The following MRPS6 variants were observed in gnomAD, a reference collection of about 807,000 sequenced individuals.
The protein encoded by MRPS6 is small ribosomal subunit protein bS6m.
Under a neutral mutation model 13.1 loss-of-function variants are expected in MRPS6, and 6 were observed. The ratio of observed to expected loss-of-function variants is 0.46; its 90% CI spans 0.25 to 0.91. MRPS6 has a LOEUF of 0.91. Ranked by LOEUF, MRPS6 falls within the 40% of genes least tolerant of loss-of-function variation. The pLI is 0.18. For synonymous variants in MRPS6, 61 were observed against 56.5 expected, an observed-to-expected ratio of 1.08 and a Z score of -0.36; for missense variants, 164 against 155.6, an observed-to-expected ratio of 1.05 and a Z score of -0.29.
chr21:34,137,782 ATT>A (rs3989178), intron 2 of MRPS6, among the ~76,000 whole-genome samples: 2 of 145,306 alleles, frequency 1.4e-5, no homozygotes, highest in African/African-American at 2.5e-5. Context: ...GTTTGCTGAG[ATT>A]TTTTTTTTTT....
intron 1 of MRPS6, among the ~76,000 whole-genome samples, chr21:34,111,507 T>C (rs1419536089): frequency 6.6e-6 from 1 of 152,220 alleles, no homozygotes. Flanking sequence ...TTCTGAAGTC[T>C]CAAAATCAGA....
intron 1 of MRPS6, among the ~76,000 whole-genome samples, chr21:34,074,577 C>T (rs1024024325): frequency 6.6e-6 from 1 of 152,244 alleles, no homozygotes; most frequent in African/African-American, 2.4e-5. Flanking sequence ...AGGCAGCTCA[C>T]TTCGTCCTCT....
At chr21:34,104,903 C>T (rs748383912) in intron 1 of MRPS6, 5 of 999,924 alleles carry the variant, frequency 5.0e-6, no homozygotes, top group African/African-American at 1.7e-5. Context: ...GGCAGAAATG[C>T]CTTTCATCTA....
intron 1 of MRPS6, among the ~76,000 whole-genome samples, chr21:34,087,612 T>C (rs1239881113): frequency 6.6e-6 from 1 of 152,204 alleles, no homozygotes; most frequent in African/African-American, 2.4e-5. Flanking sequence ...GTTACTTTTG[T>C]GCAAAGACGT....
chr21:34,141,537 C>T (rs1345723342), intron 2 of MRPS6, among the ~76,000 whole-genome samples: 1 of 152,172 alleles, frequency 6.6e-6, no homozygotes, highest in African/African-American at 2.4e-5. Flanking sequence ...GTCCTGAGAA[C>T]CACATGTATG....
At chr21:34,086,515 GT>G in intron 1 of MRPS6, among the ~76,000 whole-genome samples, 1 of 81,534 alleles carries the variant, frequency 1.2e-5, no homozygotes, top group East Asian at 4.2e-4. Context: ...TCTAGTTTGT[GT>G]TTGTGTGTGT....
intron 1 of MRPS6, among the ~76,000 whole-genome samples, chr21:34,086,990 T>G (rs1978422038): frequency 6.6e-6 from 1 of 152,082 alleles, no homozygotes; most frequent in Non-Finnish European, 1.5e-5. Flanking sequence ...CACTGCACAC[T>G]AAGAGGTGGA....
intron 1 of MRPS6, among the ~76,000 whole-genome samples, chr21:34,109,473 G>A (rs1313568221): frequency 2.0e-5 from 3 of 152,184 alleles, no homozygotes; most frequent in Non-Finnish European, 4.4e-5. Context: ...AAAGAACACA[G>A]GGGCCCCATC....
intron 1 of MRPS6, among the ~76,000 whole-genome samples, chr21:34,119,391 C>T (rs1980043191): frequency 6.6e-6 from 1 of 152,076 alleles, no homozygotes; most frequent in Non-Finnish European, 1.5e-5. Context: ...ACAGGGACAG[C>T]CTTTCTATTT....
intron 2 of MRPS6, among the ~76,000 whole-genome samples, chr21:34,129,308 A>G (rs1980418381): frequency 6.6e-6 from 1 of 152,104 alleles, no homozygotes; most frequent in Non-Finnish European, 1.5e-5. Context: ...TGAGACTGAG[A>G]GGAAACTATA....
At chr21:34,101,558 T>A in intron 1 of MRPS6, 2 of 1,000,112 alleles carry the variant, frequency 2.0e-6, no homozygotes, top group African/African-American at 3.5e-5. Flanking sequence ...GAGACTGGTC[T>A]TTCTCTTTGT....
rs540711472 is a variant in MRPS6, at chr21:34,110,768, T to A, written c.46-14573T>A. Reference sequence around the variant, plus strand: ...AATCAATACATGACCTTGCCTCATGTGTGTTTCTGTTTAAAGACAACATAG... The same window carrying A: ...AATCAATACATGACCTTGCCTCATGAGTGTTTCTGTTTAAAGACAACATAG... On this transcript the variant is annotated intron_variant, in intron 1 of 2. Transcript: ENST00000399312. 4.6e-5 allele frequency among the ~76,000 whole-genome samples: 7 copies of A among 152,332 alleles called. No homozygotes were observed. The South Asian group carries it at 1.4e-3, about 32-fold the overall frequency.
At chr21:34,120,433 A>C (rs1418686669) in intron 1 of MRPS6, among the ~76,000 whole-genome samples, 1 of 152,078 alleles carries the variant, frequency 6.6e-6, no homozygotes, top group African/African-American at 2.4e-5. Flanking sequence ...ATTCTAGTCC[A>C]CTCTTGGAAT....
chr21:34,085,143 C>G (rs1175660222), intron 1 of MRPS6, among the ~76,000 whole-genome samples: 1 of 152,170 alleles, frequency 6.6e-6, no homozygotes, highest in East Asian at 1.9e-4. Context: ...CATATATTTA[C>G]TTGTTTAGTC....
intron 2 of MRPS6, among the ~76,000 whole-genome samples, chr21:34,128,913 T>C (rs1012728940): frequency 1.3e-5 from 2 of 152,196 alleles, no homozygotes; most frequent in Admixed American, 6.5e-5. Flanking sequence ...AAATAAATCA[T>C]TGGTGCATGA....
rs538281606 is a variant in MRPS6 at position 34,105,029 on chromosome 21, A to G, written c.46-20312A>G. The G allele has an allele frequency of 8.7e-5, 87 of 1,000,158 alleles. No homozygotes were observed. The African/African-American group carries it at 1.5e-3, about 17-fold the overall frequency. The allele number at this position is 1,000,158 out of a possible 1,614,324, so 62.0% of individuals were successfully genotyped here. A position where few individuals can be genotyped will look rare whatever the true frequency, so the allele number is the denominator to read the frequency against. ...TGAGATCTCTAACTTTTGAGTGGCA[A>G]ACAGATCAAGTCTTTTGCTCATAGA... On this transcript the variant is annotated intron_variant, in intron 1 of 2. Coordinates refer to ENST00000399312, the MANE Select transcript of MRPS6 (RefSeq NM_032476.4).
intron 2 of MRPS6, chr21:34,135,793 T>C (rs1980676854): frequency 1.9e-6 from 1 of 518,720 alleles, no homozygotes; most frequent in Non-Finnish European, 3.8e-6. Context: ...AGTCATGAGC[T>C]TCTTGCTGTT....
chr21:34,090,708 G>C (rs1293442149), intron 1 of MRPS6, among the ~76,000 whole-genome samples: 1 of 152,166 alleles, frequency 6.6e-6, no homozygotes, highest in Non-Finnish European at 1.5e-5. Context: ...AGCTTTCTCT[G>C]TTACTTATTC....
At chr21:34,100,980 A>G (rs1328563735) in intron 1 of MRPS6, 2 of 1,000,056 alleles carry the variant, frequency 2.0e-6, no homozygotes, top group Non-Finnish European at 2.4e-6. Context: ...CATTTTCATC[A>G]GAGGCATGAT....
Sources: gnomAD v4.1 joint callset for allele counts (sites outside exome capture counted in the v4.1 genomes callset) on GRCh38, gnomAD v4.1.1 for gene constraint, MANE v1.5 for transcripts, NCBI Gene and HGNC (gene_info 2026-07-23, HGNC 2026-07-21) for gene names.